TRPC4AP: variants seen among roughly 807,000 people sequenced by gnomAD.
The protein encoded by TRPC4AP is transient receptor potential cation channel subfamily C member 4 associated protein.
TRPC4AP carries 45 observed loss-of-function variants against 99.0 expected under a neutral mutation model. The observed-to-expected ratio is 0.45, with a 90% CI of 0.36 to 0.58. The LOEUF is 0.58. Among genes scored for constraint, TRPC4AP ranks in the 20% least tolerant of loss-of-function variants. The probability of loss-of-function intolerance (pLI) is 0.00; values close to 1 mark genes in which losing one functional copy is unlikely to be tolerated. For missense variants in TRPC4AP, 879 were observed against 985.3 expected, an observed-to-expected ratio of 0.89 and a Z score of 1.44; for synonymous variants, 408 against 385.8, an observed-to-expected ratio of 1.06 and a Z score of -0.67.
chr20:35,082,215 G>A (rs906972654), intron 1 of TRPC4AP, among the ~76,000 whole-genome samples: 1 of 152,028 alleles, frequency 6.6e-6, no homozygotes, highest in African/African-American at 2.4e-5. Context: ...ACTGATATAT[G>A]CAGACAAAAA....
At chr20:35,047,097 A>G (rs1384972779) in intron 6 of TRPC4AP, among the ~76,000 whole-genome samples, 1 of 152,162 alleles carries the variant, frequency 6.6e-6, no homozygotes, top group Non-Finnish European at 1.5e-5. Context: ...TCCTGACCTC[A>G]AGTGATCTGC....
chr20:35,074,075 T>C (rs1399891613), intron 2 of TRPC4AP, among the ~76,000 whole-genome samples: 1 of 152,260 alleles, frequency 6.6e-6, no homozygotes, highest in Non-Finnish European at 1.5e-5. Flanking sequence ...GTGTTTATAG[T>C]ATTCTCTGAT....
In TRPC4AP at chr20:35,075,812, T is replaced by C. The variant is rs2084462644; in HGVS notation, c.297+2234A>G. Among the ~76,000 whole-genome samples, 2 of 152,250 alleles carry C rather than the reference T, an allele frequency of 1.3e-5. 1 individual carries two copies. Among genetic ancestry groups the C allele is most frequent in the South Asian group, 4.1e-4 (2 of 4,838 alleles). On this transcript the variant is annotated intron_variant, in intron 2 of 18. Coordinates refer to ENST00000252015, the MANE Select transcript of TRPC4AP (RefSeq NM_015638.3). ...GAATTTGAATGTTGACCTGCCTTGC[T>C]AGATTGGGGAAGTTCTCCTGGATAA... is the stretch of plus-strand genomic sequence containing the variant.
At chr20:35,090,268 C>T (rs13038162) in intron 1 of TRPC4AP, among the ~76,000 whole-genome samples, 88,219 of 150,674 alleles carry the variant, frequency 0.59, 26,790 homozygotes, top group Middle Eastern at 0.74. Context: ...GGGGTCTCTA[C>T]TTCAACTTCT....
chr20:35,006,644 G>A, intron 14 of TRPC4AP, 69 bp from the exon 15 acceptor site: 1 of 1,569,228 alleles, frequency 6.4e-7, no homozygotes, highest in Non-Finnish European at 8.7e-7. Context: ...ATGGAGCTCA[G>A]ACCATGCATT....
intron 1 of TRPC4AP, among the ~76,000 whole-genome samples, chr20:35,081,419 C>T: frequency 6.6e-6 from 1 of 151,800 alleles, no homozygotes. Flanking sequence ...GTAGCTGAGG[C>T]AGGAGGATCC....
At chr20:35,077,069 C>T (rs529458661) in intron 2 of TRPC4AP, among the ~76,000 whole-genome samples, 41 of 152,302 alleles carry the variant, frequency 2.7e-4, no homozygotes, top group African/African-American at 9.1e-4. Flanking sequence ...AAGCCAGGCG[C>T]AGGATATAAT....
At chr20:35,014,582 G>T (rs1208755759) in intron 10 of TRPC4AP, among the ~76,000 whole-genome samples, 4 of 152,116 alleles carry the variant, frequency 2.6e-5, no homozygotes, top group African/African-American at 7.2e-5. Context: ...GCAGAAAAAA[G>T]ATATTAACAT....
chr20:35,089,866 G>T (rs6060214), intron 1 of TRPC4AP, among the ~76,000 whole-genome samples: 88,966 of 151,654 alleles, frequency 0.59, 27,070 homozygotes, highest in Middle Eastern at 0.74. Flanking sequence ...AATAAAAAAT[G>T]TTTAAATCTG....
chr20:35,044,635 G>T lies in TRPC4AP; in HGVS notation c.735C>A (p.Phe245Leu). Residue 245 changes from phenylalanine (F) to leucine (L), a missense_variant, in exon 7 of 19, where the codon TTC (phenylalanine) becomes TTA (leucine). This residue lies in a region of TRPC4AP where 603 missense variants were observed against 631.8 expected (regional missense o/e 0.95). Transcript: ENST00000252015. ...SNFDQQQLANFCRILAVTISE... is the reference protein window; with the variant it reads ...SNFDQQQLANLCRILAVTISE... The stretch of plus-strand genomic sequence containing the variant: ...AAATGGTGACAGCCAGAATCCGGCA[G>T]AAATTAGCGAGCTGCTGCTGATCGA... 1 of 1,614,182 alleles carries T rather than the reference G, an allele frequency of 6.2e-7. No homozygotes were observed. Among genetic ancestry groups the T allele is most frequent in the Non-Finnish European group, 8.5e-7 (1 of 1,180,020 alleles).
intron 7 of TRPC4AP, 78 bp from the exon 8 acceptor site, chr20:35,035,386 C>A: frequency 7.1e-7 from 1 of 1,410,114 alleles, no homozygotes; most frequent in South Asian, 1.3e-5. Context: ...AACAAACAAT[C>A]TGCATGATAG....
In TRPC4AP at chr20:35,016,052, C is replaced by A; in HGVS notation, c.1306G>T (p.Ala436Ser). The A allele has an allele frequency of 6.2e-7, 1 of 1,614,174 alleles. No homozygotes were observed. The highest frequency in any genetic ancestry group is 1.7e-5 in the Admixed American group (1 of 60,020). Residue 436 changes from alanine to serine, a missense_variant, in exon 10 of 19, where the codon GCC (alanine) becomes TCC (serine). By Grantham distance (99) the Ala-to-Ser change is moderately conservative. Coordinates refer to ENST00000252015, the MANE Select transcript of TRPC4AP (RefSeq NM_015638.3). The part of the protein sequence containing the change: ...KLIWRKHSAS[A>S]LVLHGHNQNC... ...TGGTTGTGACCATGGAGGACAAGGG[C>A]AGATGCTGAATGCTTCCTCCAAATC...
At chr20:35,020,504 C>A (rs946996797) in intron 9 of TRPC4AP, among the ~76,000 whole-genome samples, 27 of 152,298 alleles carry the variant, frequency 1.8e-4, no homozygotes, top group Middle Eastern at 3.4e-3. Context: ...TTCATCCTCA[C>A]TTGTAAAATG....
At chr20:35,028,877 T>C (rs560285727) in intron 8 of TRPC4AP, among the ~76,000 whole-genome samples, 1 of 152,332 alleles carries the variant, frequency 6.6e-6, no homozygotes, top group East Asian at 1.9e-4. Context: ...TTATAACTGT[T>C]GTATCTTCTT....
In TRPC4AP at chr20:35,024,827, A is replaced by C. The variant is rs1281801373; in HGVS notation, c.1052-3471T>G. On this transcript the variant is annotated intron_variant, in intron 8 of 18. Transcript: ENST00000252015. ...TAGGTGACAGAGAGAGACCGTCTCA[A>C]AAAAAAAAAAAAAAAAAAAAAAAAA... Among the ~76,000 whole-genome samples, 24 of 60,426 alleles carry C rather than the reference A, an allele frequency of 4.0e-4. 7 individuals are homozygous for C. Among genetic ancestry groups the C allele is most frequent in the Admixed American group, 1.7e-3 (8 of 4,708 alleles). 39.6% of individuals were successfully genotyped at this position (60,426 alleles called of 152,430 possible).
At chr20:35,058,799 C>T (rs2083906171) in intron 3 of TRPC4AP, among the ~76,000 whole-genome samples, 2 of 148,540 alleles carry the variant, frequency 1.3e-5, no homozygotes, top group Non-Finnish European at 3.0e-5. Flanking sequence ...AAGCGATTCT[C>T]CTGCCTCAGC....
chr20:35,059,820 CGAA>C (rs1195986634), intron 3 of TRPC4AP, among the ~76,000 whole-genome samples: 5 of 147,352 alleles, frequency 3.4e-5, no homozygotes, highest in South Asian at 2.1e-4. Context: ...AAGATGAAGA[CGAA>C]GAAGATGAAG....
chr20:35,079,220 A>C (rs551509568), intron 1 of TRPC4AP, among the ~76,000 whole-genome samples: 4 of 152,246 alleles, frequency 2.6e-5, no homozygotes, highest in Non-Finnish European at 4.4e-5. Flanking sequence ...CCAAGAAGAC[A>C]TAACAATCCT....
intron 3 of TRPC4AP, among the ~76,000 whole-genome samples, chr20:35,059,693 GA>G (rs999665608): frequency 6.8e-6 from 1 of 147,730 alleles, no homozygotes; most frequent in African/African-American, 2.6e-5. Flanking sequence ...GAAGGAAGAA[GA>G]AGAAAGAAGA....
Sources: gnomAD v4.1 joint callset for allele counts (sites outside exome capture counted in the v4.1 genomes callset) on GRCh38, gnomAD v4.1.1 for gene constraint, gnomAD v4.1.1 regional missense constraint, MANE v1.5 for transcripts, NCBI Gene and HGNC (gene_info 2026-07-23, HGNC 2026-07-21) for gene names.